The following FCN2 variants were observed in gnomAD, a reference collection of about 807,000 sequenced individuals.
FCN2 encodes ficolin 2, also known as ficolin-2.
Under a neutral mutation model 32.5 loss-of-function variants are expected in FCN2, and 31 were observed. That is an observed-to-expected ratio of 0.96 (90% CI 0.72 to 1.29). FCN2 has a LOEUF of 1.29. Ranked by LOEUF, FCN2 falls within the 50% of genes most tolerant of loss-of-function variation. FCN2 has a pLI of 0.00. For missense variants in FCN2, 412 were observed against 406.5 expected, an observed-to-expected ratio of 1.01 and a Z score of -0.12; for synonymous variants, 181 against 164.5, an observed-to-expected ratio of 1.10 and a Z score of -0.77.
upstream of FCN2, among the ~76,000 whole-genome samples, chr9:134,879,514 C>T (rs1830634458): frequency 2.6e-5 from 4 of 152,234 alleles, no homozygotes; most frequent in Admixed American, 2.0e-4. Context: ...GACTTCAGGA[C>T]TTTGAGGAAG....
chr9:134,873,992 C>T, the FCN2 span, among the ~76,000 whole-genome samples: 1 of 151,334 alleles, frequency 6.6e-6, no homozygotes, highest in East Asian at 1.9e-4. Context: ...CTCACTGCAA[C>T]CTCCACCTCC....
At chr9:134,883,203 C>G (rs1830690784) in intron 2 of FCN2, 99 bp from the exon 3 acceptor site, 1 of 1,013,836 alleles carries the variant, frequency 9.9e-7, no homozygotes, top group Non-Finnish European at 1.6e-6. Flanking sequence ...CGAGCAGGGT[C>G]ATGGTCATGA....
chr9:134,883,209 C>A lies in FCN2; in HGVS notation c.215-93C>A. On this transcript the variant is annotated intron_variant, in intron 2 of 7. Transcript: ENST00000291744. ...GTCGTAGCACGAGCAGGGTCATGGT[C>A]ATGATTGGAAATGACAGCCGCCAGC... 3 of 1,061,278 alleles carry A rather than the reference C, an allele frequency of 2.8e-6. No homozygotes were observed. The South Asian group carries it at 3.8e-5, about 13-fold the overall frequency. The allele number at this position is 1,061,278 out of a possible 1,614,324, so 65.7% of individuals were successfully genotyped here. A position where few individuals can be genotyped will look rare whatever the true frequency, so the allele number is the denominator to read the frequency against.
chr9:134,882,582 C>A lies in FCN2; in HGVS notation c.157C>A (p.Pro53Thr), dbSNP rs776903014. 5 of 1,614,152 alleles carry A rather than the reference C, an allele frequency of 3.1e-6. No individual in the cohort carries two copies. The Admixed American group carries it at 8.3e-5, about 27-fold the overall frequency. ...CAAGCTCACCATTCTCCGAGGCTGT[C>A]CGGGGCTGCCTGGGGCCCCTGGGCC... is the stretch of plus-strand genomic sequence containing the variant. ...SDKLTILRGC[P>T]GLPGAPGPKG... is the part of the protein sequence containing the mutation. Residue 53 changes from proline to threonine, a missense_variant, in exon 2 of 8, where the codon CCG becomes ACG. Physicochemically the swap from Pro to Thr is conservative, Grantham distance 38. Transcript: ENST00000291744.
Position 134,883,233 on chromosome 9 carries a change from G to A in FCN2, c.215-69G>A, listed in dbSNP as rs565688530. 9 of 1,300,194 alleles carry A rather than the reference G, an allele frequency of 6.9e-6. No homozygotes were observed. In the African/African-American group the frequency reaches 1.0e-4, roughly 15 times the overall value. The allele number at this position is 1,300,194 out of a possible 1,614,324, so 80.5% of individuals were successfully genotyped here. On this transcript the variant is annotated intron_variant, in intron 2 of 7. Coordinates refer to ENST00000291744, the MANE Select transcript of FCN2 (RefSeq NM_004108.3). ...TCATGATTGGAAATGACAGCCGCCA[G>A]CTCCAGGGTGGGCCCTTTGATCCTG...
chr9:134,880,912 A>G lies in FCN2; in HGVS notation c.91A>G (p.Thr31Ala). 6.2e-7 allele frequency: 1 copy of G among 1,612,424 alleles called. No individual in the cohort carries two copies. The highest frequency in any genetic ancestry group is 1.1e-5 in the South Asian group (1 of 90,744). The change falls in exon 1 of 8, where the codon ACC (threonine) becomes GCC (alanine). Residue 31 changes from threonine to alanine, a missense_variant. Thr to Ala is a moderately conservative substitution (Grantham distance 58). Transcript: ENST00000291744. The part of the protein sequence containing the change: ...GMAWALQAAD[T>A]CPEVKMVGLE... ...GGCCTGGGCTCTCCAGGCGGCAGAC[A>G]CCTGTCCAGGTAAGGGCACTCCAGG...
chr9:134,865,708 C>T, the FCN2 span, among the ~76,000 whole-genome samples: 1 of 152,108 alleles, frequency 6.6e-6, no homozygotes, highest in Non-Finnish European at 1.5e-5. Flanking sequence ...GGTCCATGGT[C>T]TCTTAGAGCA....
chr9:134,865,064 A>G, the FCN2 span, among the ~76,000 whole-genome samples: 1 of 152,234 alleles, frequency 6.6e-6, no homozygotes, highest in African/African-American at 2.4e-5. Flanking sequence ...GCCACGATCA[A>G]TGTCACTGGA....
At chr9:134,877,198 TG>T (rs1415258709), upstream of FCN2, among the ~76,000 whole-genome samples, 1 of 152,254 alleles carries the variant, frequency 6.6e-6, no homozygotes. Flanking sequence ...AATTTACTCT[TG>T]TTTTTCTAGT....
At chr9:134,887,144 A>T in intron 7 of FCN2, 24 bp from the exon 8 acceptor site, 1 of 1,613,826 alleles carries the variant, frequency 6.2e-7, no homozygotes, top group East Asian at 2.2e-5. Context: ...GCCTGTAACG[A>T]TGCTCACATT....
chr9:134,877,307 A>G (rs78021212), upstream of FCN2, among the ~76,000 whole-genome samples: 1,341 of 152,336 alleles, frequency 8.8e-3, 15 homozygotes, highest in South Asian at 0.05. Flanking sequence ...TGCTTTAGGA[A>G]CACCATGCAA....
intron 1 of FCN2, 119 bp from the exon 2 acceptor site, chr9:134,882,407 T>C: frequency 2.3e-6 from 2 of 853,928 alleles, no homozygotes; most frequent in Non-Finnish European, 4.0e-6. Flanking sequence ...GCTATAGCCA[T>C]CTGCCCAGTC....
At chr9:134,884,991 C>T (rs558580154) in intron 4 of FCN2, among the ~76,000 whole-genome samples, 55 of 152,352 alleles carry the variant, frequency 3.6e-4, no homozygotes, top group Middle Eastern at 3.4e-3. Context: ...TTATAATCTA[C>T]GCCAGAAGGC....
At chr9:134,885,105 G>C in intron 4 of FCN2, 134 bp from the exon 5 acceptor site, 1 of 1,318,538 alleles carries the variant, frequency 7.6e-7, no homozygotes, top group Non-Finnish European at 1.1e-6. Context: ...CCGTGTCCCT[G>C]TCCAGGCCTC....
At chr9:134,880,750 G>A, upstream of FCN2, 1 of 1,178,510 alleles carries the variant, frequency 8.5e-7, no homozygotes, top group Non-Finnish European at 1.3e-6. Context: ...ATGAGAAATT[G>A]GAGTCTGAGG....
intron 3 of FCN2, among the ~76,000 whole-genome samples, chr9:134,883,799 G>T (rs1220722799): frequency 7.0e-6 from 1 of 143,464 alleles, no homozygotes; most frequent in Non-Finnish European, 1.5e-5. Context: ...TCTGGGATGG[G>T]GGAGAGGTTC....
upstream of FCN2, among the ~76,000 whole-genome samples, chr9:134,878,166 G>A (rs542192848): frequency 6.6e-6 from 1 of 152,262 alleles, no homozygotes; most frequent in African/African-American, 2.4e-5. Flanking sequence ...CTTGCACACA[G>A]CCTATTGTGA....
the FCN2 span, among the ~76,000 whole-genome samples, chr9:134,870,181 G>A: frequency 3.3e-5 from 5 of 152,180 alleles, no homozygotes; most frequent in African/African-American, 7.2e-5. This position sits in a 1 kb window ranked among gnomAD's most constrained non-coding sequence, Gnocchi z 4.3. Context: ...ACTGGATGCC[G>A]GTTTCCCCGA....
At chr9:134,886,278 G>C in intron 6 of FCN2, 152 bp from the exon 7 acceptor site, 1 of 900,628 alleles carries the variant, frequency 1.1e-6, no homozygotes, top group South Asian at 1.4e-5. Flanking sequence ...TGCCGGGTCA[G>C]AGCTACACAG....
Sources: allele counts gnomAD v4.1 joint callset (sites outside exome capture counted in the v4.1 genomes callset), GRCh38; gene constraint gnomAD v4.1.1; non-coding constraint Gnocchi (gnomAD v3.1); transcripts MANE v1.5; gene names NCBI Gene and HGNC (gene_info 2026-07-23, HGNC 2026-07-21).